The following JAZF1 variants were observed in gnomAD, a reference collection of about 807,000 sequenced individuals.
JAZF1 encodes the protein juxtaposed with another zinc finger protein 1.
JAZF1 carries 8 observed loss-of-function variants against 26.4 expected under a neutral mutation model. That is an observed-to-expected ratio of 0.30 (90% confidence interval 0.18 to 0.55). The LOEUF (loss-of-function observed/expected upper bound fraction) is 0.55, where lower values mean the gene tolerates loss of function less well. Among genes scored for constraint, JAZF1 ranks in the 20% least tolerant of loss-of-function variants. The pLI is 0.94. For synonymous variants in JAZF1, 126 were observed against 122.3 expected, an observed-to-expected ratio of 1.03 and a Z score of -0.20; for missense variants, 199 against 322.0, an observed-to-expected ratio of 0.62 and a Z score of 2.92.
At chr7:27,931,018 C>T (rs1337007660) in intron 2 of JAZF1, among the ~76,000 whole-genome samples, 3 of 152,324 alleles carry the variant, frequency 2.0e-5, no homozygotes, top group South Asian at 4.1e-4. Context: ...GATTAAATGA[C>T]TTGGCCAAGT....
intron 2 of JAZF1, among the ~76,000 whole-genome samples, chr7:27,920,928 G>A (rs755788638): frequency 2.0e-5 from 3 of 152,170 alleles, no homozygotes; most frequent in Non-Finnish European, 4.4e-5. Context: ...TTTTAAATTT[G>A]TGACATGAAA....
chr7:27,972,615 A>G (rs1785393422), intron 2 of JAZF1, among the ~76,000 whole-genome samples: 1 of 152,244 alleles, frequency 6.6e-6, no homozygotes, highest in Non-Finnish European at 1.5e-5. Flanking sequence ...GGTCTGTAGA[A>G]TAAGGATTAA....
intron 1 of JAZF1, among the ~76,000 whole-genome samples, chr7:28,156,316 G>T (rs1286568061): frequency 6.6e-6 from 1 of 152,344 alleles, no homozygotes; most frequent in East Asian, 1.9e-4. Flanking sequence ...CTGTGTGGTG[G>T]TGGTGGTCAC....
Position 27,831,386 on chromosome 7 carries a change from C to T in JAZF1, c.*1414G>A, listed in dbSNP as rs1404902045. ...TTGAGTTTGTTTTATGGGCAGTTAG[C>T]TATCTCAAAGCATTTTTTATTGCAT... On this transcript the variant is annotated 3_prime_UTR_variant, in exon 5 of 5. Coordinates refer to ENST00000283928, the MANE Select transcript of JAZF1 (RefSeq NM_175061.4). 4.4e-6 allele frequency: 1 copy of T among 227,294 alleles called. No individual in the cohort carries two copies. The highest frequency in any genetic ancestry group is 8.8e-6 in the Non-Finnish European group (1 of 114,196). The allele number at this position is 227,294 out of a possible 1,614,324, so 14.1% of individuals were successfully genotyped here.
intron 1 of JAZF1, among the ~76,000 whole-genome samples, chr7:28,100,114 C>G (rs1002367969): frequency 2.6e-5 from 4 of 152,194 alleles, no homozygotes; most frequent in African/African-American, 4.8e-5. Flanking sequence ...GTTCCACACT[C>G]CCAAATTTAT....
In JAZF1 at chr7:27,832,493, C is replaced by A; in HGVS notation, c.*307G>T. 1 of 250,318 alleles carries A rather than the reference C, an allele frequency of 4.0e-6. No homozygotes were observed. Among genetic ancestry groups the A allele is most frequent in the East Asian group, 5.9e-5 (1 of 17,038 alleles). 15.5% of individuals were successfully genotyped at this position (250,318 alleles called of 1,614,324 possible). A position where few individuals can be genotyped will look rare whatever the true frequency, so the allele number is the denominator to read the frequency against. Reference sequence around the variant, plus strand: ...AGGTTGATACCACCGCAATACAATTCAACAATATGCAACATGCCCTCAATT... The same window carrying A: ...AGGTTGATACCACCGCAATACAATTAAACAATATGCAACATGCCCTCAATT... On this transcript the variant is annotated 3_prime_UTR_variant, in exon 5 of 5. Transcript: ENST00000283928.
At chr7:27,863,856 C>G (rs1031803182) in intron 3 of JAZF1, 6 of 152,218 alleles carry the variant, frequency 3.9e-5, no homozygotes, top group African/African-American at 1.4e-4. Context: ...TGAGATTCAG[C>G]TTCCAGCAAA....
intron 1 of JAZF1, among the ~76,000 whole-genome samples, chr7:28,063,473 CAA>C (rs1783831149): frequency 6.6e-6 from 1 of 152,014 alleles, no homozygotes; most frequent in East Asian, 1.9e-4. Context: ...GACTTCATAG[CAA>C]AATATAACAA....
chr7:27,847,381 T>C (rs1783051256), intron 3 of JAZF1, among the ~76,000 whole-genome samples: 1 of 152,160 alleles, frequency 6.6e-6, no homozygotes, highest in Admixed American at 6.5e-5. Context: ...GTCAAGTTGC[T>C]TTCTCCCCCA....
intron 2 of JAZF1, among the ~76,000 whole-genome samples, chr7:27,955,727 A>G (rs1785077798): frequency 6.6e-6 from 1 of 152,212 alleles, no homozygotes; most frequent in Non-Finnish European, 1.5e-5. Context: ...GTTTTTACAC[A>G]ATAATGTCAG....
chr7:28,079,816 C>T (rs1046720385), intron 1 of JAZF1, among the ~76,000 whole-genome samples: 4 of 152,158 alleles, frequency 2.6e-5, no homozygotes, highest in Non-Finnish European at 5.9e-5. Flanking sequence ...CATCGGTTTA[C>T]GAACCCTGCT....
intron 2 of JAZF1, among the ~76,000 whole-genome samples, chr7:27,916,337 C>T (rs1449408552): frequency 6.6e-6 from 1 of 151,608 alleles, no homozygotes; most frequent in African/African-American, 2.4e-5. Context: ...AATATGAATA[C>T]TTGTTATTCA....
chr7:28,110,538 A>G lies in JAZF1; in HGVS notation c.115+69925T>C, dbSNP rs140330742. Reference sequence around the variant, plus strand: ...GGAAAAGGAAAAGGAAAAGGAAAGGAAAAGGAAAAGGAAAAGGAAAGGGAA... The same window carrying G: ...GGAAAAGGAAAAGGAAAAGGAAAGGGAAAGGAAAAGGAAAAGGAAAGGGAA... On this transcript the variant is annotated intron_variant, in intron 1 of 4. Transcript: ENST00000283928. Among the ~76,000 whole-genome samples the G allele has an allele frequency of 5.3e-4, 57 of 108,406 alleles. 1 individual carries two copies. The highest frequency in any genetic ancestry group is 1.6e-3 in the African/African-American group (50 of 30,674). The allele number at this position is 108,406 out of a possible 152,430, so 71.1% of individuals were successfully genotyped here.
At chr7:27,966,186 C>T (rs1341694172) in intron 2 of JAZF1, among the ~76,000 whole-genome samples, 1 of 152,232 alleles carries the variant, frequency 6.6e-6, no homozygotes, top group Non-Finnish European at 1.5e-5. Flanking sequence ...CACAACTCTA[C>T]AATGAGGGCA....
At chr7:27,902,849 T>A (rs970425863) in intron 2 of JAZF1, among the ~76,000 whole-genome samples, 5 of 152,068 alleles carry the variant, frequency 3.3e-5, no homozygotes, top group African/African-American at 1.2e-4. Context: ...ACCCCATCTC[T>A]ACTAAAAATA....
rs73684087 is a variant in JAZF1, at chr7:27,869,512, C to T, written c.385+25708G>A. Among the ~76,000 whole-genome samples the T allele has an allele frequency of 8.3e-3, 1,269 of 152,244 alleles. 22 individuals are homozygous for T. Among genetic ancestry groups the T allele is most frequent in the African/African-American group, 0.029 (1,215 of 41,532 alleles). ...ATCTGCAGCATCAGCTGTGCCATCC[C>T]CCTTCTCCTCCCCATGCTTCCGAGA... is the stretch of plus-strand genomic sequence containing the variant. On this transcript the variant is annotated intron_variant, in intron 3 of 4. Coordinates refer to ENST00000283928, the MANE Select transcript of JAZF1 (RefSeq NM_175061.4).
chr7:27,987,973 C>T (rs1785767305), intron 2 of JAZF1, among the ~76,000 whole-genome samples: 1 of 152,134 alleles, frequency 6.6e-6, no homozygotes, highest in African/African-American at 2.4e-5. Flanking sequence ...CTTTGTTAAA[C>T]AGAGGCTTGA....
intron 3 of JAZF1, among the ~76,000 whole-genome samples, chr7:27,880,913 G>A (rs1413124552): frequency 6.6e-6 from 1 of 152,194 alleles, no homozygotes; most frequent in African/African-American, 2.4e-5. Context: ...AGTGCCTCAG[G>A]CCTCACCTGC....
chr7:27,983,779 G>C (rs1214235243), intron 2 of JAZF1, among the ~76,000 whole-genome samples: 2 of 152,252 alleles, frequency 1.3e-5, no homozygotes, highest in African/African-American at 4.8e-5. Context: ...AGCCAGAAGA[G>C]AGTGGGGGCC....
Sources: gnomAD v4.1 joint callset for allele counts (sites outside exome capture counted in the v4.1 genomes callset) on GRCh38, gnomAD v4.1.1 for gene constraint, MANE v1.5 for transcripts, NCBI Gene and HGNC (gene_info 2026-07-23, HGNC 2026-07-21) for gene names.